CCL23: variants seen among roughly 807,000 people sequenced by gnomAD.
CCL23 encodes the protein C-C motif chemokine ligand 23.
Under a neutral mutation model 11.8 loss-of-function variants are expected in CCL23, and 10 were observed. That is an observed-to-expected ratio of 0.84 (90% CI 0.52 to 1.43). The LOEUF is 1.43. Among genes scored for constraint, CCL23 ranks in the 40% most tolerant of loss-of-function variants. CCL23 has a pLI of 0.00. For synonymous variants in CCL23, 60 were observed against 61.0 expected (o/e 0.98, Z 0.07); for missense variants, 181 against 170.9 (o/e 1.06, Z -0.33).
chr17:36,016,877 A>T (rs1304290009), intron 1 of CCL23, among the ~76,000 whole-genome samples: 1 of 151,734 alleles, frequency 6.6e-6, no homozygotes, highest in East Asian at 1.9e-4. Context: ...ACATTTTGAA[A>T]CATAAAGACT....
At position 36,017,919 on chromosome 17, in the gene CCL23, C is replaced by T. The variant is rs1350268885; in HGVS notation, c.-22G>A. ...TCATCCTCCTGGTGGGCAGGCAGGGCTGGCCGAGGACTCCTGGGCTCACTG... is the reference window on the plus strand; with the variant it reads ...TCATCCTCCTGGTGGGCAGGCAGGGTTGGCCGAGGACTCCTGGGCTCACTG... On this transcript the variant is annotated 5_prime_UTR_variant, in exon 1 of 4. Transcript: ENST00000615050. The T allele has an allele frequency of 1.9e-6, 3 of 1,612,534 alleles. No individual in the cohort carries two copies. Among genetic ancestry groups the T allele is most frequent in the Admixed American group, 3.3e-5 (2 of 59,982 alleles).
intron 3 of CCL23, 116 bp from the exon 4 acceptor site, chr17:36,013,424 CTTTTTTTT>C (rs765028000): frequency 3.7e-5 from 22 of 586,968 alleles, no homozygotes; most frequent in Non-Finnish European, 5.3e-5. Context: ...GTTTTTTTTT[CTTTTTTTT>C]TTCATTCTCT....
At chr17:36,015,758 CGG>C (rs1180628127) in intron 1 of CCL23, among the ~76,000 whole-genome samples, 1 of 152,082 alleles carries the variant, frequency 6.6e-6, no homozygotes, top group Admixed American at 6.5e-5. Flanking sequence ...AAAATTTGGC[CGG>C]GTGCGGTGGC....
At chr17:36,014,050 C>T in intron 2 of CCL23, 141 bp from the exon 3 acceptor site, 2 of 822,280 alleles carry the variant, frequency 2.4e-6, no homozygotes, top group Non-Finnish European at 3.8e-6. Flanking sequence ...CAGAGCAGGA[C>T]CAGGAAAATT....
chr17:36,013,247 A>C lies in CCL23; in HGVS notation c.364T>G (p.Cys122Gly). The part of the protein sequence containing the change: ...ANPSDKQVQV[C>G]MRMLKLDTRI... ...GTGTCCAGCTTCAGCATTCTCATGC[A>C]AACCTGAACTTGCTTATCACTGGGG... Residue 122 changes from cysteine (C) to glycine (G), a missense_variant, in exon 4 of 4, where the codon TGC becomes GGC. Coordinates refer to ENST00000615050, the MANE Select transcript of CCL23 (RefSeq NM_005064.6). The C allele has an allele frequency of 6.2e-7, 1 of 1,613,872 alleles. No homozygotes were observed. The highest frequency in any genetic ancestry group is 8.5e-7 in the Non-Finnish European group (1 of 1,179,876).
intron 1 of CCL23, 66 bp from the exon 2 acceptor site, chr17:36,014,459 C>A: frequency 8.0e-7 from 1 of 1,251,646 alleles, no homozygotes. Context: ...GCATCTCCAC[C>A]CACCCCATTG....
intron 1 of CCL23, among the ~76,000 whole-genome samples, chr17:36,016,474 T>C (rs931027903): frequency 6.6e-6 from 1 of 152,180 alleles, no homozygotes; most frequent in Non-Finnish European, 1.5e-5. Flanking sequence ...GTTTCCGGCT[T>C]TATCCATGTC....
At chr17:36,013,607 T>G (rs2090074292) in intron 3 of CCL23, 137 bp downstream of exon 3, 2 of 789,150 alleles carry the variant, frequency 2.5e-6, no homozygotes, top group Non-Finnish European at 4.2e-6. Flanking sequence ...TGCAGGATCT[T>G]CCTAAGGACA....
At chr17:36,014,488 C>T (rs2090083604) in intron 1 of CCL23, 95 bp from the exon 2 acceptor site, 3 of 960,132 alleles carry the variant, frequency 3.1e-6, no homozygotes. Flanking sequence ...CCTCCTGAGG[C>T]AGAAAGGTCC....
chr17:36,014,464 C>G, intron 1 of CCL23, 71 bp from the exon 2 acceptor site: 1 of 1,204,186 alleles, frequency 8.3e-7, no homozygotes, highest in Non-Finnish European at 1.2e-6. Flanking sequence ...TCCACCCACC[C>G]CATTGCTCAT....
rs774290331 is a variant in CCL23, at chr17:36,013,216, A to T, written c.395T>A (p.Ile132Asn). 5.0e-6 allele frequency: 8 copies of T among 1,611,998 alleles called. No individual in the cohort carries two copies. Among genetic ancestry groups the T allele is most frequent in the Non-Finnish European group, 5.9e-6 (7 of 1,178,102 alleles). ...CMRMLKLDTRIKTRKN is the reference protein window; with the variant it reads ...CMRMLKLDTRNKTRKN ...ACAAGTTCAATTCTTCCTGGTCTTG[A>T]TCCGTGTGTCCAGCTTCAGCATTCT... The change falls in exon 4 of 4, where the codon ATC (isoleucine) becomes AAC (asparagine). Residue 132 changes from isoleucine to asparagine, a missense_variant. By Grantham distance (149) the Ile-to-Asn change is moderately radical. Coordinates refer to ENST00000615050, the MANE Select transcript of CCL23 (RefSeq NM_005064.6).
intron 1 of CCL23, 136 bp downstream of exon 1, chr17:36,017,686 A>C: frequency 1.3e-6 from 1 of 786,354 alleles, no homozygotes; most frequent in Non-Finnish European, 2.1e-6. Flanking sequence ...CCAGGTCTAT[A>C]CTCTGGTGCT....
chr17:36,015,721 A>G (rs944737574), intron 1 of CCL23, among the ~76,000 whole-genome samples: 4 of 152,150 alleles, frequency 2.6e-5, no homozygotes, highest in African/African-American at 9.7e-5. Flanking sequence ...TCCACAATTG[A>G]CTGTCTCACA....
At position 36,017,898 on chromosome 17, in the gene CCL23, C is replaced by T; in HGVS notation, c.-1G>A. The T allele has an allele frequency of 6.2e-7, 1 of 1,613,676 alleles. No homozygotes were observed. Among genetic ancestry groups the T allele is most frequent in the Non-Finnish European group, 8.5e-7 (1 of 1,180,018 alleles). ...AGAGGGCAGCCACGGAGACCTTCAT[C>T]CTCCTGGTGGGCAGGCAGGGCTGGC... is the stretch of plus-strand genomic sequence containing the variant. On this transcript the variant is annotated 5_prime_UTR_variant, in exon 1 of 4. Transcript: ENST00000615050.
chr17:36,014,072 G>A (rs933556286), intron 2 of CCL23, among the ~76,000 whole-genome samples, 163 bp from the exon 3 acceptor site: 3 of 152,210 alleles, frequency 2.0e-5, no homozygotes, highest in Non-Finnish European at 4.4e-5. Flanking sequence ...CCCCTAGAAG[G>A]GGAAGGCATC....
chr17:36,017,856 A>G lies in CCL23; in HGVS notation c.42T>C (p.Val14=). ...SVAALSCLML[V]TALGSQARVT... Reference sequence around the variant, plus strand: ...CCCGGGCCTGGGATCCAAGGGCAGTAACAAGCATGAGGCAGGAGAGGGCAG... The same window carrying G: ...CCCGGGCCTGGGATCCAAGGGCAGTGACAAGCATGAGGCAGGAGAGGGCAG... Residue 14 remains valine (V), a synonymous_variant, in exon 1 of 4, where the codon GTT becomes GTC. Transcript: ENST00000615050. 1 of 1,614,188 alleles carries G rather than the reference A, an allele frequency of 6.2e-7. No individual in the cohort carries two copies. Among genetic ancestry groups the G allele is most frequent in the East Asian group, 2.2e-5 (1 of 44,880 alleles).
chr17:36,014,180 TTCCCATAGCCCG>T (rs67234254), intron 2 of CCL23, among the ~76,000 whole-genome samples, 142 bp downstream of exon 2: 32,810 of 151,536 alleles, frequency 0.22, 4,365 homozygotes, highest in African/African-American at 0.38. Context: ...ATGGAGGGGG[TTCCCATAGCCCG>T]TCCTGATCTT....
At chr17:36,016,226 AG>A (rs2090096868) in intron 1 of CCL23, among the ~76,000 whole-genome samples, 1 of 152,114 alleles carries the variant, frequency 6.6e-6, no homozygotes. Context: ...TTCATTACAT[AG>A]GTATACATGT....
intron 1 of CCL23, among the ~76,000 whole-genome samples, chr17:36,015,527 G>T (rs781537750): frequency 1.3e-4 from 20 of 152,272 alleles, no homozygotes; most frequent in Middle Eastern, 3.4e-3. Context: ...CCCAGAAATA[G>T]AATTGCTGCA....
Sources: allele counts gnomAD v4.1 joint callset (sites outside exome capture counted in the v4.1 genomes callset), GRCh38; gene constraint gnomAD v4.1.1; transcripts MANE v1.5; gene names NCBI Gene and HGNC (gene_info 2026-07-23, HGNC 2026-07-21).